Variants in TLN2 observed in about 807,000 individuals in gnomAD.
TLN2 encodes talin-2.
TLN2 carries 118 observed loss-of-function variants against 294.7 expected under a neutral mutation model. The ratio of observed to expected loss-of-function variants is 0.40; its 90% confidence interval spans 0.34 to 0.47. TLN2 has a LOEUF of 0.47. TLN2 is among the 20% of genes least tolerant of loss of function. The probability of loss-of-function intolerance (pLI) is 0.84; values close to 1 mark genes in which losing one functional copy is unlikely to be tolerated. For synonymous variants in TLN2, 1,431 were observed against 1,304.5 expected, an observed-to-expected ratio of 1.10 and a Z score of -2.09; for missense variants, 3,083 against 3,282.2, an observed-to-expected ratio of 0.94 and a Z score of 1.48.
chr15:62,821,149 A>G (rs1206104216), intron 54 of TLN2, among the ~76,000 whole-genome samples: 1 of 152,238 alleles, frequency 6.6e-6, no homozygotes, highest in African/African-American at 2.4e-5. Flanking sequence ...GTGAAGAGAA[A>G]TAGCCATTTA....
intron 28 of TLN2, among the ~76,000 whole-genome samples, chr15:62,735,983 AAT>A (rs1371085941): frequency 6.6e-6 from 1 of 152,256 alleles, no homozygotes; most frequent in African/African-American, 2.4e-5. Context: ...GACACAAAAG[AAT>A]ATATATATGT....
intron 52 of TLN2, among the ~76,000 whole-genome samples, chr15:62,813,175 A>G (rs2066825899): frequency 6.6e-6 from 1 of 152,198 alleles, no homozygotes; most frequent in Non-Finnish European, 1.5e-5. Flanking sequence ...TTGACATTTC[A>G]GTTGATTGAT....
intron 1 of TLN2, among the ~76,000 whole-genome samples, chr15:62,583,032 T>C (rs562145174): frequency 6.6e-6 from 1 of 152,178 alleles, no homozygotes; most frequent in African/African-American, 2.4e-5. Flanking sequence ...AAAACAAAAA[T>C]TGTTTCAAAT....
intron 1 of TLN2, among the ~76,000 whole-genome samples, chr15:62,524,239 C>T (rs1399276930): frequency 6.6e-6 from 1 of 152,180 alleles, no homozygotes; most frequent in Non-Finnish European, 1.5e-5. Context: ...AACTGTCTTA[C>T]TGTTCATGTT....
In TLN2 at chr15:62,396,839, G is replaced by C. The variant is rs150317830; in HGVS notation, c.-238+6154G>C. 8.5e-5 allele frequency among the ~76,000 whole-genome samples: 13 copies of C among 152,218 alleles called. No homozygotes were observed. The East Asian group carries it at 2.5e-3, about 29-fold the overall frequency. Reference sequence around the variant, plus strand: ...CATGCCTCAGCCTCTCAAGTAGCTGGGATTAAGGGCATGCGCCACCACTCC... The same window carrying C: ...CATGCCTCAGCCTCTCAAGTAGCTGCGATTAAGGGCATGCGCCACCACTCC... On this transcript the variant is annotated intron_variant, in intron 1 of 58. Transcript: ENST00000636159.
chr15:62,811,699 A>G (rs2066690719), intron 52 of TLN2, among the ~76,000 whole-genome samples: 1 of 152,148 alleles, frequency 6.6e-6, no homozygotes, highest in South Asian at 2.1e-4. Context: ...TTTGTGGCCA[A>G]GCTAACATTT....
Position 62,517,160 on chromosome 15 carries a change from C to A in TLN2, c.-237-72527C>A. Among the ~76,000 whole-genome samples the A allele has an allele frequency of 1.3e-5, 2 of 152,320 alleles. 1 individual carries two copies. Among genetic ancestry groups the A allele is most frequent in the South Asian group, 4.1e-4 (2 of 4,826 alleles). Reference sequence around the variant, plus strand: ...GCTAATTCAGAGATTACCAAACCTTCGCCGTTCCTCCCACTTTGTGCCTTG... The same window carrying A: ...GCTAATTCAGAGATTACCAAACCTTAGCCGTTCCTCCCACTTTGTGCCTTG... On this transcript the variant is annotated intron_variant, in intron 1 of 58. Coordinates refer to ENST00000636159, the MANE Select transcript of TLN2 (RefSeq NM_015059.3).
intron 28 of TLN2, among the ~76,000 whole-genome samples, chr15:62,728,104 G>A (rs554956516): frequency 2.0e-5 from 3 of 152,196 alleles, no homozygotes; most frequent in East Asian, 1.9e-4. Context: ...TCAGCCTCCC[G>A]GATGCTCCCT....
At chr15:62,667,222 TC>T (rs1216062713) in intron 9 of TLN2, among the ~76,000 whole-genome samples, 1 of 152,190 alleles carries the variant, frequency 6.6e-6, no homozygotes, top group African/African-American at 2.4e-5. Context: ...CGCCTTGGCC[TC>T]CCAAAGTGCT....
chr15:62,590,413 T>TGG (rs1318891668), intron 2 of TLN2, among the ~76,000 whole-genome samples: 2 of 152,180 alleles, frequency 1.3e-5, no homozygotes, highest in Non-Finnish European at 2.9e-5. Context: ...TGAGAATATG[T>TGG]GGTATTTGGT....
At chr15:62,616,167 A>G (rs561594132) in intron 2 of TLN2, among the ~76,000 whole-genome samples, 14 of 152,062 alleles carry the variant, frequency 9.2e-5, no homozygotes, top group Non-Finnish European at 1.6e-4. Context: ...ACCTTTTCAC[A>G]TTTTCTCTTG....
intron 1 of TLN2, among the ~76,000 whole-genome samples, chr15:62,572,754 C>G (rs1031985176): frequency 1.3e-5 from 2 of 152,176 alleles, no homozygotes; most frequent in Admixed American, 1.3e-4. Flanking sequence ...GCAGGCCTCT[C>G]TGGAGAGGCT....
chr15:62,429,701 GT>G (rs1050385470), intron 1 of TLN2, among the ~76,000 whole-genome samples: 1 of 152,156 alleles, frequency 6.6e-6, no homozygotes, highest in African/African-American at 2.4e-5. Flanking sequence ...GCCTGGGGTG[GT>G]TTGGTCATTT....
intron 9 of TLN2, among the ~76,000 whole-genome samples, chr15:62,672,512 A>G (rs1258214393): frequency 2.0e-5 from 3 of 151,866 alleles, no homozygotes; most frequent in Non-Finnish European, 4.4e-5. Context: ...TGAGTTGATA[A>G]CTCTCGAGGC....
intron 54 of TLN2, chr15:62,824,075 G>T: frequency 2.1e-6 from 1 of 471,556 alleles, no homozygotes; most frequent in Non-Finnish European, 4.4e-6. Flanking sequence ...AGTTTATAAG[G>T]CAACAGGAAA....
At chr15:62,662,822 G>GTTTTTTTTTTT (rs772448730) in intron 9 of TLN2, among the ~76,000 whole-genome samples, 2 of 108,240 alleles carry the variant, frequency 1.8e-5, no homozygotes, top group African/African-American at 3.4e-5. Context: ...GATTGAGAGA[G>GTTTTTTTTTTT]TTTTTTTTTT....
chr15:62,752,268 G>A (rs753999529), intron 34 of TLN2, 37 bp from the exon 35 acceptor site: 3 of 1,611,858 alleles, frequency 1.9e-6, no homozygotes, highest in Non-Finnish European at 2.5e-6. Flanking sequence ...TTGAGGCAAT[G>A]CTGGATAGAG....
intron 14 of TLN2, 29 bp from the exon 15 acceptor site, chr15:62,697,659 C>T (rs1425226238): frequency 1.3e-6 from 2 of 1,580,552 alleles, no homozygotes; most frequent in Admixed American, 3.5e-5. Context: ...CTGGTGTTCT[C>T]TCAGTGACCA....
chr15:62,737,675 G>A (rs1310671393), intron 29 of TLN2, among the ~76,000 whole-genome samples: 1 of 152,184 alleles, frequency 6.6e-6, no homozygotes, highest in African/African-American at 2.4e-5. Context: ...TCTAGGCAAC[G>A]TGAGGGCAGC....
Sources: allele counts gnomAD v4.1 joint callset (sites outside exome capture counted in the v4.1 genomes callset), GRCh38; gene constraint gnomAD v4.1.1; transcripts MANE v1.5; gene names NCBI Gene and HGNC (gene_info 2026-07-23, HGNC 2026-07-21).